Variants in HCFC2 observed in about 807,000 individuals in gnomAD.
The protein encoded by HCFC2 is host cell factor C2, also known as host cell factor 2.
In HCFC2, 18 loss-of-function variants were observed where a neutral mutation model predicts 89.2. That is an observed-to-expected ratio of 0.20 (90% confidence interval 0.14 to 0.30). The LOEUF is 0.30. Among genes scored for constraint, HCFC2 ranks in the 10% least tolerant of loss-of-function variants. The pLI is 1.00. For synonymous variants in HCFC2, 308 were observed against 335.7 expected (o/e 0.92, Z 0.90); for missense variants, 578 against 956.1 (o/e 0.60, Z 5.21).
At chr12:104,079,408 T>C in intron 3 of HCFC2, 37 bp from the exon 4 acceptor site, 1 of 1,437,566 alleles carries the variant, frequency 7.0e-7, no homozygotes, top group Non-Finnish European at 9.7e-7. Flanking sequence ...AGGGTATATA[T>C]TATCTGAATG....
intron 9 of HCFC2, among the ~76,000 whole-genome samples, chr12:104,090,733 G>T (rs1039667732): frequency 6.7e-6 from 1 of 150,350 alleles, no homozygotes; most frequent in South Asian, 2.1e-4. Context: ...TCTTTGTTAT[G>T]TTTCTTTTTT....
chr12:104,100,291 T>C (rs1255405886), intron 13 of HCFC2, among the ~76,000 whole-genome samples: 2 of 152,100 alleles, frequency 1.3e-5, no homozygotes, highest in Non-Finnish European at 1.5e-5. Context: ...ATTGGAAAAA[T>C]TTATGAAGGC....
chr12:104,083,030 A>G (rs1196496298), intron 7 of HCFC2, 129 bp downstream of exon 7: 2 of 639,466 alleles, frequency 3.1e-6, no homozygotes, highest in African/African-American at 1.9e-5. Context: ...AAGAAACAAT[A>G]TGTATAGTTA....
intron 4 of HCFC2, 72 bp downstream of exon 4, chr12:104,079,725 A>G: frequency 8.7e-7 from 1 of 1,145,108 alleles, no homozygotes; most frequent in Non-Finnish European, 1.3e-6. Flanking sequence ...TATTGATTGC[A>G]GTATTTATTG....
At chr12:104,084,335 G>A (rs544026435) in intron 7 of HCFC2, among the ~76,000 whole-genome samples, 1 of 152,142 alleles carries the variant, frequency 6.6e-6, no homozygotes, top group Non-Finnish European at 1.5e-5. Flanking sequence ...CTGCTTCAGG[G>A]TGGGTAGTCA....
In HCFC2 at chr12:104,082,596, C is replaced by T. The variant is rs752666329; in HGVS notation, c.864C>T (p.Tyr288=). ...CEWRCTSSFS[Y]LNLDTTEWTT... ...GGAGATGTACCAGTTCATTTTCTTACCTAAATCTGGGTGAGTCTTTTAAGA... is the reference window on the plus strand; with the variant it reads ...GGAGATGTACCAGTTCATTTTCTTATCTAAATCTGGGTGAGTCTTTTAAGA... Residue 288 remains tyrosine, a synonymous_variant, in exon 6 of 15, where the codon TAC becomes TAT. Transcript: ENST00000229330. The T allele has an allele frequency of 2.5e-5, 41 of 1,609,920 alleles. No homozygotes were observed. The highest frequency in any genetic ancestry group is 1.6e-4 in the East Asian group (7 of 44,832).
rs77407569 is a variant in HCFC2 at position 104,085,739 on chromosome 12, C to G, written c.1064-1108C>G. Among the ~76,000 whole-genome samples, 3 of 112,980 alleles carry G rather than the reference C, an allele frequency of 2.7e-5. No homozygotes were observed. In the South Asian group the frequency reaches 8.9e-4, roughly 33 times the overall value. The allele number at this position is 112,980 out of a possible 152,430, so 74.1% of individuals were successfully genotyped here. A position where few individuals can be genotyped will look rare whatever the true frequency, so the allele number is the denominator to read the frequency against. On this transcript the variant is annotated intron_variant, in intron 7 of 14. Coordinates refer to ENST00000229330, the MANE Select transcript of HCFC2 (RefSeq NM_013320.3). ...TTTTTTCACTTTTAGTTAAACTTTG[C>G]ATTTGATAGCATGTAAAAGAGTAAT...
chr12:104,070,627 A>G (rs1186009307), intron 3 of HCFC2, among the ~76,000 whole-genome samples: 1 of 152,202 alleles, frequency 6.6e-6, no homozygotes, highest in Non-Finnish European at 1.5e-5. Flanking sequence ...CATATAATAC[A>G]GTAGAGTTAT....
chr12:104,101,561 GT>G (rs1399385384), intron 13 of HCFC2, among the ~76,000 whole-genome samples: 1 of 152,106 alleles, frequency 6.6e-6, no homozygotes, highest in African/African-American at 2.4e-5. Context: ...TCTCTAAAGG[GT>G]ATTGTTCCTG....
chr12:104,077,284 C>A (rs1883526538), intron 3 of HCFC2, among the ~76,000 whole-genome samples: 1 of 151,590 alleles, frequency 6.6e-6, no homozygotes, highest in Admixed American at 6.6e-5. Flanking sequence ...GTTGTGTCAC[C>A]CAGGCTGGAC....
At position 104,072,863 on chromosome 12, in the gene HCFC2, C is replaced by G. The variant is rs2136598017; in HGVS notation, c.473+4756C>G. Among the ~76,000 whole-genome samples the G allele has an allele frequency of 1.3e-5, 2 of 152,104 alleles. 1 individual carries two copies. On this transcript the variant is annotated intron_variant, in intron 3 of 14. Coordinates refer to ENST00000229330, the MANE Select transcript of HCFC2 (RefSeq NM_013320.3). Reference sequence around the variant, plus strand: ...GTTTCACCATGTTAGCCAGGATGGTCTCGATCTCCTGACCTCGTGATCCGC... The same window carrying G: ...GTTTCACCATGTTAGCCAGGATGGTGTCGATCTCCTGACCTCGTGATCCGC...
intron 10 of HCFC2, among the ~76,000 whole-genome samples, chr12:104,094,182 A>G (rs903727893): frequency 6.6e-6 from 1 of 152,206 alleles, no homozygotes; most frequent in Non-Finnish European, 1.5e-5. Flanking sequence ...ATACTGGTAA[A>G]GATTTCTAAT....
chr12:104,070,177 C>T (rs1405254536), intron 3 of HCFC2, among the ~76,000 whole-genome samples: 1 of 152,088 alleles, frequency 6.6e-6, no homozygotes, highest in Non-Finnish European at 1.5e-5. Flanking sequence ...CGCCCACCAC[C>T]ACGCCCTGCT....
chr12:104,086,838 G>T lies in HCFC2; in HGVS notation c.1064-9G>T. ...AACTTAAATGTATAATATCATGATT[G>T]TTCTATAGAGAAACCACCGGCACCA... On this transcript the variant is annotated splice_polypyrimidine_tract_variant and intron_variant, in intron 7 of 14. Coordinates refer to ENST00000229330, the MANE Select transcript of HCFC2 (RefSeq NM_013320.3). 6.2e-7 allele frequency: 1 copy of T among 1,612,226 alleles called. No individual in the cohort carries two copies. The highest frequency in any genetic ancestry group is 8.5e-7 in the Non-Finnish European group (1 of 1,178,690).
chr12:104,095,459 A>T lies in HCFC2; in HGVS notation c.1562A>T (p.Gln521Leu). 1 of 1,613,828 alleles carries T rather than the reference A, an allele frequency of 6.2e-7. No individual in the cohort carries two copies. The highest frequency in any genetic ancestry group is 8.5e-7 in the Non-Finnish European group (1 of 1,179,804). Residue 521 changes from glutamine to leucine, a missense_variant, in exon 11 of 15, where the codon CAA becomes CTA. Physicochemically the swap from Gln to Leu is moderately radical, Grantham distance 113. This residue lies in a region of HCFC2 where 210 missense variants were observed against 251.7 expected (regional missense o/e 0.83). Transcript: ENST00000229330. This position sits in a 1 kb window ranked among gnomAD's most constrained non-coding sequence, Gnocchi z 4.2. ...TSVSSTVSSTQTMVTQQTIKT... is the reference protein window; with the variant it reads ...TSVSSTVSSTLTMVTQQTIKT... The stretch of plus-strand genomic sequence containing the variant: ...GTATCCAGTACTGTTTCCAGCACAC[A>T]AACTATGGTAACCCAGCAGACCATT...
chr12:104,065,995 C>T (rs917123222), intron 1 of HCFC2, among the ~76,000 whole-genome samples, 172 bp from the exon 2 acceptor site: 2 of 152,078 alleles, frequency 1.3e-5, no homozygotes, highest in African/African-American at 4.8e-5. Flanking sequence ...ATGCCAGTAA[C>T]AGCCCCCTCC....
intron 3 of HCFC2, among the ~76,000 whole-genome samples, chr12:104,070,030 CT>C (rs371832726): frequency 2.7e-5 from 4 of 148,998 alleles, no homozygotes; most frequent in Admixed American, 6.7e-5. Flanking sequence ...GACATGAACT[CT>C]TTTTTTTTTG....
chr12:104,090,558 T>A (rs1716763753), intron 9 of HCFC2, among the ~76,000 whole-genome samples: 1 of 152,240 alleles, frequency 6.6e-6, no homozygotes, highest in African/African-American at 2.4e-5. Flanking sequence ...CTCTGTGTAT[T>A]CCAATTTTTA....
In HCFC2 at chr12:104,102,955, C is replaced by G; in HGVS notation, c.2065-4C>G. On this transcript the variant is annotated splice_polypyrimidine_tract_variant and splice_region_variant and intron_variant, in intron 14 of 14. Transcript: ENST00000229330. ...TTAACCTGTTTTTTCCCCCCCCCTT[C>G]AAGAATGTTGAAGGTATCCACCTTT... The G allele has an allele frequency of 6.4e-7, 1 of 1,570,792 alleles. No homozygotes were observed. Among genetic ancestry groups the G allele is most frequent in the Non-Finnish European group, 8.7e-7 (1 of 1,149,448 alleles).
Sources: gnomAD v4.1 joint callset for allele counts (sites outside exome capture counted in the v4.1 genomes callset) on GRCh38, gnomAD v4.1.1 for gene constraint, gnomAD v4.1.1 regional missense constraint, Gnocchi (gnomAD v3.1) non-coding constraint, MANE v1.5 for transcripts, NCBI Gene and HGNC (gene_info 2026-07-23, HGNC 2026-07-21) for gene names.